The following FMN1 variants were observed in gnomAD, a reference collection of about 807,000 sequenced individuals.
The protein encoded by FMN1 is formin 1, also known as formin-1.
FMN1 carries 110 observed loss-of-function variants against 132.4 expected under a neutral mutation model. The observed-to-expected ratio is 0.83, with a 90% CI of 0.71 to 0.97. The LOEUF is 0.97. Among genes scored for constraint, FMN1 ranks in the 50% least tolerant of loss-of-function variants. The pLI is 0.00. For missense variants in FMN1, 1,792 were observed against 1,705.3 expected (o/e 1.05, Z -0.90); for synonymous variants, 722 against 651.7 (o/e 1.11, Z -1.64).
chr15:32,831,628 G>A (rs1042326378), intron 17 of FMN1, among the ~76,000 whole-genome samples: 2 of 151,968 alleles, frequency 1.3e-5, no homozygotes, highest in African/African-American at 4.8e-5. Flanking sequence ...TAGACCACAG[G>A]AAAAATCTTT....
chr15:32,925,145 T>G (rs2060927465), intron 10 of FMN1, among the ~76,000 whole-genome samples: 1 of 152,126 alleles, frequency 6.6e-6, no homozygotes, highest in Non-Finnish European at 1.5e-5. Context: ...TAACAACATT[T>G]TGAAAACGAA....
intron 9 of FMN1, among the ~76,000 whole-genome samples, chr15:32,950,054 C>CACACACATATATATAT (rs1251606636): frequency 2.0e-4 from 1 of 4,916 alleles, no homozygotes; most frequent in African/African-American, 4.3e-4. Context: ...TATATATACA[C>CACACACATATATATAT]ATATATATAT....
At chr15:33,106,368 G>A (rs147609883) in intron 4 of FMN1, 1 of 151,468 alleles carries the variant, frequency 6.6e-6, no homozygotes, top group East Asian at 1.9e-4. Context: ...TTGTCTCTGT[G>A]GCCTTTTTTT....
At chr15:32,798,637 T>C (rs1336810269) in intron 19 of FMN1, among the ~76,000 whole-genome samples, 167 bp downstream of exon 19, 2 of 152,298 alleles carry the variant, frequency 1.3e-5, no homozygotes, top group East Asian at 1.9e-4. Context: ...GACAGCAAGC[T>C]TTCCCCGAAT....
intron 16 of FMN1, among the ~76,000 whole-genome samples, chr15:32,880,009 G>C (rs2059727499): frequency 6.6e-6 from 1 of 151,776 alleles, no homozygotes; most frequent in South Asian, 2.1e-4. Context: ...AATTTTATGT[G>C]ATTATTTGGT....
intron 9 of FMN1, among the ~76,000 whole-genome samples, chr15:32,947,184 A>G (rs1286088662): frequency 5.3e-5 from 8 of 152,034 alleles, no homozygotes; most frequent in Admixed American, 1.3e-4. Context: ...TACATCTGGC[A>G]TTGTCTTTTA....
intron 7 of FMN1, among the ~76,000 whole-genome samples, chr15:32,985,220 G>C (rs775663486): frequency 6.6e-6 from 1 of 152,050 alleles, no homozygotes; most frequent in South Asian, 2.1e-4. Flanking sequence ...ACCCAATTTG[G>C]TGGATTTTTT....
intron 16 of FMN1, among the ~76,000 whole-genome samples, chr15:32,864,958 T>C (rs925729616): frequency 3.4e-4 from 51 of 152,190 alleles, no homozygotes; most frequent in African/African-American, 1.2e-3. Context: ...TACTACTACA[T>C]AGAAGAACGT....
At chr15:33,042,114 C>T (rs866460178) in intron 6 of FMN1, among the ~76,000 whole-genome samples, 35 of 152,040 alleles carry the variant, frequency 2.3e-4, no homozygotes, top group African/African-American at 8.0e-4. Flanking sequence ...ACATAAAAAT[C>T]AATTGCTTTG....
At chr15:33,073,353 G>A (rs990879090) in intron 5 of FMN1, among the ~76,000 whole-genome samples, 3 of 152,158 alleles carry the variant, frequency 2.0e-5, no homozygotes, top group Admixed American at 1.3e-4. Flanking sequence ...AGCTTCATGC[G>A]AAAACCGTTT....
intron 7 of FMN1, among the ~76,000 whole-genome samples, chr15:32,995,630 T>C (rs998134370): frequency 2.6e-5 from 4 of 152,204 alleles, no homozygotes; most frequent in Non-Finnish European, 4.4e-5. Context: ...GTTTTATCTC[T>C]AGCACATCTC....
intron 6 of FMN1, among the ~76,000 whole-genome samples, chr15:33,039,379 G>A (rs777887784): frequency 2.0e-5 from 3 of 152,192 alleles, no homozygotes; most frequent in Non-Finnish European, 2.9e-5. Context: ...GACCCTGGTA[G>A]AATAGCAGTG....
chr15:32,835,946 A>C (rs1444837063), intron 17 of FMN1, among the ~76,000 whole-genome samples: 1 of 151,960 alleles, frequency 6.6e-6, no homozygotes, highest in Admixed American at 6.6e-5. Context: ...CTGCAGCCTC[A>C]ATCTTCTGGG....
At chr15:32,970,195 T>G (rs2031660889) in intron 7 of FMN1, among the ~76,000 whole-genome samples, 1 of 152,206 alleles carries the variant, frequency 6.6e-6, no homozygotes, top group Non-Finnish European at 1.5e-5. Context: ...GTTATTTTAA[T>G]GCACTGAGTC....
At chr15:32,835,086 C>T (rs975631726) in intron 17 of FMN1, among the ~76,000 whole-genome samples, 4 of 152,110 alleles carry the variant, frequency 2.6e-5, no homozygotes, top group Admixed American at 1.3e-4. Context: ...ATCAGAAAAT[C>T]CAGTCCCTTT....
intron 7 of FMN1, among the ~76,000 whole-genome samples, chr15:32,971,086 G>A (rs545643410): frequency 2.0e-4 from 30 of 152,268 alleles, no homozygotes; most frequent in African/African-American, 7.0e-4. Context: ...CCTCAGACAG[G>A]GAACGCTGTG....
intron 14 of FMN1, 181 bp downstream of exon 14, chr15:32,899,798 C>T (rs1159171015): frequency 1.5e-5 from 9 of 612,944 alleles, no homozygotes; most frequent in Non-Finnish European, 2.4e-5. Context: ...AAAAAAAAAC[C>T]AAACAAAACT....
intron 4 of FMN1, among the ~76,000 whole-genome samples, chr15:33,091,263 G>C (rs1006142363): frequency 2.0e-5 from 3 of 152,054 alleles, no homozygotes; most frequent in Admixed American, 6.6e-5. Context: ...AAGGATTTGG[G>C]GTCCTTGAAA....
At chr15:32,921,620 C>T (rs183498909) in intron 10 of FMN1, among the ~76,000 whole-genome samples, 1 of 152,064 alleles carries the variant, frequency 6.6e-6, no homozygotes, top group Non-Finnish European at 1.5e-5. Context: ...TTGCCTTCTA[C>T]CTTAAAACAA....
Sources: allele counts gnomAD v4.1 joint callset (sites outside exome capture counted in the v4.1 genomes callset), GRCh38; gene constraint gnomAD v4.1.1; transcripts MANE v1.5; gene names NCBI Gene and HGNC (gene_info 2026-07-23, HGNC 2026-07-21).